MED12L: variants seen among roughly 807,000 people sequenced by gnomAD.
MED12L encodes mediator complex subunit 12L.
Under a neutral mutation model 281.3 loss-of-function variants are expected in MED12L, and 60 were observed. That is an observed-to-expected ratio of 0.21 (90% CI 0.17 to 0.26). The LOEUF (loss-of-function observed/expected upper bound fraction) is 0.26, where lower values mean the gene tolerates loss of function less well. Among genes scored for constraint, MED12L ranks in the 10% least tolerant of loss-of-function variants. The pLI is 1.00. For missense variants in MED12L, 2,146 were observed against 2,680.9 expected, an observed-to-expected ratio of 0.80 and a Z score of 4.41; for synonymous variants, 974 against 987.2, an observed-to-expected ratio of 0.99 and a Z score of 0.25.
At chr3:151,265,029 A>G (rs1739569444) in intron 16 of MED12L, among the ~76,000 whole-genome samples, 2 of 152,100 alleles carry the variant, frequency 1.3e-5, no homozygotes, top group East Asian at 3.9e-4. Context: ...TCTCATCTTC[A>G]TGATGATTTC....
intron 6 of MED12L, among the ~76,000 whole-genome samples, chr3:151,157,390 G>T (rs541965019): frequency 7.9e-5 from 12 of 152,090 alleles, no homozygotes; most frequent in Non-Finnish European, 1.8e-4. Flanking sequence ...TGTATATGCA[G>T]AAACAAGGGC....
At chr3:151,304,549 G>A (rs6769431) in intron 16 of MED12L, among the ~76,000 whole-genome samples, 10,142 of 151,538 alleles carry the variant, frequency 0.067, 1,142 homozygotes, top group African/African-American at 0.23. Context: ...CAGCCTGGGC[G>A]ACAGAGTGAG....
At chr3:151,338,787 T>C in intron 16 of MED12L, 1 of 1,613,902 alleles carries the variant, frequency 6.2e-7, no homozygotes. Context: ...GATTTTGTAG[T>C]CTCTGGTGCA....
chr3:151,221,829 G>A (rs1729425695), intron 16 of MED12L, among the ~76,000 whole-genome samples: 1 of 152,202 alleles, frequency 6.6e-6, no homozygotes, highest in Admixed American at 6.5e-5. Flanking sequence ...AGTGCCTACT[G>A]GGGCACCATC....
chr3:151,107,427 A>G (rs78120347), intron 2 of MED12L, among the ~76,000 whole-genome samples: 2,796 of 152,274 alleles, frequency 0.018, 87 homozygotes, highest in African/African-American at 0.064. Context: ...AGTTTGGGGT[A>G]TTTATAACAC....
chr3:151,185,351 G>T lies in MED12L; in HGVS notation c.1516G>T (p.Val506Leu). 6.2e-7 allele frequency: 1 copy of T among 1,613,912 alleles called. No homozygotes were observed. Among genetic ancestry groups the T allele is most frequent in the South Asian group, 1.1e-5 (1 of 91,034 alleles). Residue 506 changes from valine to leucine, a missense_variant, in exon 12 of 45, where the codon GTG becomes TTG. Val to Leu is a conservative substitution (Grantham distance 32, BLOSUM62 1). This residue lies in a region of MED12L where 722 missense variants were observed against 861.2 expected (regional missense o/e 0.84). Transcript: ENST00000687756. ...TTAGGTTGCGCCCAACGATGAAGCT[G>T]TGGTGACGCTGTTATGTGAATGGGC... Reference protein sequence around the residue: ...NQEVAPNDEAVVTLLCEWAVS... With the variant: ...NQEVAPNDEALVTLLCEWAVS...
At chr3:151,241,239 T>A (rs1734016664) in intron 16 of MED12L, among the ~76,000 whole-genome samples, 1 of 152,244 alleles carries the variant, frequency 6.6e-6, no homozygotes, top group African/African-American at 2.4e-5. Context: ...ATTGTTGATA[T>A]TTTACAATTT....
At chr3:151,162,527 C>T (rs540768213) in intron 8 of MED12L, among the ~76,000 whole-genome samples, 14 of 152,162 alleles carry the variant, frequency 9.2e-5, no homozygotes, top group South Asian at 4.2e-4. Context: ...AGTGATCCTC[C>T]TGCCTCAAGT....
chr3:151,103,215 G>A (rs1188467083), intron 2 of MED12L, among the ~76,000 whole-genome samples: 1 of 152,110 alleles, frequency 6.6e-6, no homozygotes, highest in African/African-American at 2.4e-5. Context: ...AAAAGTTCAA[G>A]TATTTTTCTC....
intron 16 of MED12L, among the ~76,000 whole-genome samples, chr3:151,233,472 G>A (rs1479181202): frequency 2.6e-5 from 4 of 152,220 alleles, no homozygotes; most frequent in Non-Finnish European, 5.9e-5. Flanking sequence ...GATGGCTCCC[G>A]CCTGTAATCC....
chr3:151,193,836 G>C, intron 16 of MED12L, 170 bp downstream of exon 16: 1 of 523,554 alleles, frequency 1.9e-6, no homozygotes, highest in Non-Finnish European at 3.3e-6. Context: ...ATGTACTGAG[G>C]TTGTCCGAAT....
At chr3:151,353,259 T>C (rs890908691) in intron 17 of MED12L, among the ~76,000 whole-genome samples, 3 of 152,232 alleles carry the variant, frequency 2.0e-5, no homozygotes, top group African/African-American at 7.2e-5. Context: ...TGCACAAGAC[T>C]ATTGATGTTA....
intron 2 of MED12L, among the ~76,000 whole-genome samples, chr3:151,105,626 A>G (rs1286388559): frequency 2.6e-5 from 4 of 152,204 alleles, no homozygotes; most frequent in Admixed American, 1.3e-4. Context: ...CTAACTGGCT[A>G]TTAAATCAAT....
chr3:151,348,792 C>T (rs1180191799), intron 16 of MED12L, among the ~76,000 whole-genome samples: 1 of 152,160 alleles, frequency 6.6e-6, no homozygotes, highest in East Asian at 1.9e-4. Flanking sequence ...GAGAGAAAAA[C>T]AGGCGCTTAG....
intron 16 of MED12L, among the ~76,000 whole-genome samples, chr3:151,274,106 A>C (rs937667888): frequency 6.6e-6 from 1 of 152,248 alleles, no homozygotes; most frequent in Non-Finnish European, 1.5e-5. Flanking sequence ...TGGTGCAGAT[A>C]TCTGATGAAC....
At chr3:151,273,885 C>G (rs182835515) in intron 16 of MED12L, among the ~76,000 whole-genome samples, 1 of 152,274 alleles carries the variant, frequency 6.6e-6, no homozygotes, top group Non-Finnish European at 1.5e-5. Flanking sequence ...TCATTTTTGT[C>G]CATTCATGTA....
At chr3:151,360,382 C>T in intron 20 of MED12L, 92 bp from the exon 21 acceptor site, 1 of 1,157,748 alleles carries the variant, frequency 8.6e-7, no homozygotes, top group South Asian at 1.6e-5. Flanking sequence ...TTTTCTTACC[C>T]AAGTGATACA....
chr3:151,432,652 G>GCAGAA, intron 44 of MED12L, 100 bp from the exon 45 acceptor site: 1 of 857,098 alleles, frequency 1.2e-6, no homozygotes, highest in Non-Finnish European at 1.9e-6. Flanking sequence ...CTGTTTCCCT[G>GCAGAA]TACCTGCAGC....
intron 11 of MED12L, among the ~76,000 whole-genome samples, chr3:151,182,035 A>C (rs923014208): frequency 5.9e-5 from 9 of 152,178 alleles, no homozygotes; most frequent in African/African-American, 1.7e-4. Flanking sequence ...TTTTTTAATG[A>C]GGTAAGTTAA....
Sources: allele counts gnomAD v4.1 joint callset (sites outside exome capture counted in the v4.1 genomes callset), GRCh38; gene constraint gnomAD v4.1.1; regional missense constraint gnomAD v4.1.1; transcripts MANE v1.5; gene names NCBI Gene and HGNC (gene_info 2026-07-23, HGNC 2026-07-21).